Variants in KLF8 observed in about 807,000 individuals in gnomAD.
KLF8 encodes the protein Krueppel-like factor 8.
Under a neutral mutation model 18.2 loss-of-function variants are expected in KLF8, and 10 were observed. The ratio of observed to expected loss-of-function variants is 0.55; its 90% CI spans 0.34 to 0.93. KLF8 has a LOEUF of 0.93. Ranked by LOEUF, KLF8 falls within the 40% of genes least tolerant of loss-of-function variation. KLF8 has a pLI of 0.02. For missense variants in KLF8, 264 were observed against 277.9 expected (o/e 0.95, Z 0.36); for synonymous variants, 109 against 97.3 (o/e 1.12, Z -0.71).
chrX:56,208,291 A>G, the KLF8 span, among the ~76,000 whole-genome samples: 11 of 112,050 alleles, frequency 9.8e-5, no homozygotes, highest in Non-Finnish European at 2.1e-4. Context: ...ATAGCCACTA[A>G]TGATCCTTAG....
At chrX:56,010,729 A>G in the KLF8 span, among the ~76,000 whole-genome samples, 1 of 112,206 alleles carries the variant, frequency 8.9e-6, no homozygotes, top group African/African-American at 3.2e-5. Flanking sequence ...CTCACTTGCA[A>G]AGACATGCAT....
At chrX:56,221,237 G>A in the KLF8 span, among the ~76,000 whole-genome samples, 14 of 111,696 alleles carry the variant, frequency 1.3e-4, no homozygotes, top group South Asian at 5.3e-3. Context: ...GCTTTTTTTG[G>A]TCACCTTGGA....
At chrX:56,158,292 G>T in the KLF8 span, among the ~76,000 whole-genome samples, 1 of 111,445 alleles carries the variant, frequency 9.0e-6, no homozygotes, top group Non-Finnish European at 1.9e-5. Context: ...GGTTACTGTA[G>T]CCTTGTAGTA....
At chrX:56,225,042 C>T in the KLF8 span, among the ~76,000 whole-genome samples, 1 of 111,163 alleles carries the variant, frequency 9.0e-6, no homozygotes, top group Admixed American at 9.6e-5. Context: ...CCCTCATAAC[C>T]TAATCACCTT....
At chrX:56,074,683 A>T in the KLF8 span, 1 of 168,315 alleles carries the variant, frequency 5.9e-6, no homozygotes, top group Admixed American at 8.3e-5. Context: ...CTCTTTAGAT[A>T]ATTGGACCTT....
At chrX:55,973,441 T>C in the KLF8 span, among the ~76,000 whole-genome samples, 1 of 112,051 alleles carries the variant, frequency 8.9e-6, no homozygotes, top group African/African-American at 3.2e-5. Context: ...GAGAAGTTAT[T>C]TGCAAACTAT....
chrX:56,179,238 A>G, the KLF8 span, among the ~76,000 whole-genome samples: 1 of 111,617 alleles, frequency 9.0e-6, no homozygotes, highest in African/African-American at 3.3e-5. Context: ...TAGGTATTTT[A>G]TACTCTTAGT....
upstream of KLF8, among the ~76,000 whole-genome samples, chrX:56,229,243 C>G (rs1243496127): frequency 9.0e-6 from 1 of 111,254 alleles, no homozygotes; most frequent in Non-Finnish European, 1.9e-5. Context: ...AAGGGAAGAA[C>G]AGCATATGTG....
chrX:55,960,974 A>C, the KLF8 span, among the ~76,000 whole-genome samples: 1 of 111,754 alleles, frequency 8.9e-6, no homozygotes, highest in African/African-American at 3.3e-5. Flanking sequence ...CATAGGTTCA[A>C]TGTAAGGGAA....
chrX:55,949,415 G>A, the KLF8 span, among the ~76,000 whole-genome samples: 16 of 106,731 alleles, frequency 1.5e-4, no homozygotes, highest in South Asian at 2.2e-3. Flanking sequence ...TACAACTTTC[G>A]TAGAGGATCC....
chrX:56,016,293 A>G, the KLF8 span, among the ~76,000 whole-genome samples: 1 of 112,506 alleles, frequency 8.9e-6, no homozygotes, highest in East Asian at 2.8e-4. Context: ...GTGAGTATTC[A>G]GCACATTTGT....
At chrX:56,194,973 C>T in the KLF8 span, among the ~76,000 whole-genome samples, 5 of 112,164 alleles carry the variant, frequency 4.5e-5, no homozygotes, top group Non-Finnish European at 7.5e-5. Context: ...ATGCCAACAG[C>T]CCTGCAGCTG....
At chrX:56,159,108 T>C in the KLF8 span, among the ~76,000 whole-genome samples, 1 of 112,328 alleles carries the variant, frequency 8.9e-6, no homozygotes, top group South Asian at 3.7e-4. Context: ...CGTTGTTGAA[T>C]TTTGTCAAAG....
At chrX:56,130,690 G>C in the KLF8 span, among the ~76,000 whole-genome samples, 1 of 111,719 alleles carries the variant, frequency 9.0e-6, no homozygotes, top group African/African-American at 3.3e-5. Flanking sequence ...AATTCAGACT[G>C]TCAATTATTA....
chrX:56,176,734 G>A, the KLF8 span, among the ~76,000 whole-genome samples: 1 of 111,459 alleles, frequency 9.0e-6, no homozygotes, highest in Non-Finnish European at 1.9e-5. Flanking sequence ...TCACTTTCAA[G>A]TACACCAATC....
the KLF8 span, among the ~76,000 whole-genome samples, chrX:55,921,655 G>C: frequency 8.9e-6 from 1 of 111,976 alleles, no homozygotes; most frequent in African/African-American, 3.2e-5. Flanking sequence ...TACAGCAAAA[G>C]AAACTCTCAT....
At chrX:56,279,893 G>A (rs2067175894) in intron 5 of KLF8, among the ~76,000 whole-genome samples, 1 of 111,906 alleles carries the variant, frequency 8.9e-6, no homozygotes, top group South Asian at 3.8e-4. Context: ...TTTCTCTATT[G>A]CTAGTATTCC....
chrX:56,272,398 A>C (rs2067069322), intron 5 of KLF8, among the ~76,000 whole-genome samples: 1 of 111,143 alleles, frequency 9.0e-6, no homozygotes, highest in African/African-American at 3.3e-5. Context: ...TTTAGTAGAG[A>C]TGGGGTTCCA....
chrX:56,125,122 A>G, the KLF8 span, among the ~76,000 whole-genome samples: 5 of 112,046 alleles, frequency 4.5e-5, no homozygotes, highest in Non-Finnish European at 9.4e-5. Flanking sequence ...CTGCACTTTT[A>G]AGAAGTGTAA....
Sources: gnomAD v4.1 joint callset for allele counts (sites outside exome capture counted in the v4.1 genomes callset) on GRCh38, gnomAD v4.1.1 for gene constraint, MANE v1.5 for transcripts, NCBI Gene and HGNC (gene_info 2026-07-23, HGNC 2026-07-21) for gene names.